Variants in MSH6 observed in about 807,000 individuals in gnomAD.
MSH6 encodes DNA mismatch repair protein Msh6.
In MSH6, 85 loss-of-function variants were observed where a neutral mutation model predicts 119.1. That is an observed-to-expected ratio of 0.71 (90% CI 0.60 to 0.85). MSH6 has a LOEUF of 0.85. Among genes scored for constraint, MSH6 ranks in the 40% least tolerant of loss-of-function variants. The pLI is 0.00. For missense variants in MSH6, 2,163 were observed against 1,655.3 expected, an observed-to-expected ratio of 1.31 and a Z score of -5.32; for synonymous variants, 830 against 586.9, an observed-to-expected ratio of 1.41 and a Z score of -5.99.
chr2:47,806,957 T>TTTTTCCA (rs1427374049), downstream of MSH6: 1 of 952,050 alleles, frequency 1.1e-6, no homozygotes, highest in Non-Finnish European at 1.7e-6. Context: ...AAAATGACCA[T>TTTTTCCA]TTTTCCATTT....
chr2:47,803,903 G>T, intron 5 of MSH6, among the ~76,000 whole-genome samples: 1 of 152,196 alleles, frequency 6.6e-6, no homozygotes, highest in East Asian at 1.9e-4. Flanking sequence ...AAAGGGGAAG[G>T]AGGTCAGTCA....
intron 2 of MSH6, among the ~76,000 whole-genome samples, chr2:47,794,402 G>A (rs1042188432): frequency 6.6e-6 from 1 of 151,908 alleles, no homozygotes; most frequent in Non-Finnish European, 1.5e-5. Context: ...CTCCTTAGTA[G>A]CTGAGACTAC....
rs876659020 is a variant in MSH6, at chr2:47,783,368, C to A, written c.135C>A (p.Gly45=). The stretch of plus-strand genomic sequence containing the variant: ...CCCCCGGGGCCTCTCCTTCCCCAGG[C>A]GGGGATGCGGCCTGGAGCGAGGCTG... ...AAAPGASPSP[G]GDAAWSEAGP... is the part of the protein sequence containing the mutation. Residue 45 remains glycine (G), a synonymous_variant, in exon 1 of 10, where the codon GGC becomes GGA. Coordinates refer to ENST00000234420, the MANE Select transcript of MSH6 (RefSeq NM_000179.3). 3 of 1,602,032 alleles carry A rather than the reference C, an allele frequency of 1.9e-6. No individual in the cohort carries two copies. Among genetic ancestry groups the A allele is most frequent in the South Asian group, 2.2e-5 (2 of 89,876 alleles).
At chr2:47,790,833 G>A in intron 1 of MSH6, 94 bp from the exon 2 acceptor site, 1 of 1,120,698 alleles carries the variant, frequency 8.9e-7, no homozygotes, top group Admixed American at 1.8e-5. Context: ...CAATATTAAT[G>A]CCAGAAGACT....
rs753812859 is a variant in MSH6 at position 47,799,988 on chromosome 2, A to T, written c.2005A>T (p.Ile669Phe). The T allele has an allele frequency of 6.2e-7, 1 of 1,614,082 alleles. No individual in the cohort carries two copies. ...AGGTATGACTTCAGAGTCTGATTCC[A>T]TTGGGTTGACACCAGGAGAGAAAAG... is the stretch of plus-strand genomic sequence containing the variant. ...LKGMTSESDS[I>F]GLTPGEKSEL... Residue 669 changes from isoleucine (I) to phenylalanine (F), a missense_variant, in exon 4 of 10, where the codon ATT becomes TTT. By Grantham distance (21) the Ile-to-Phe change is conservative. Coordinates refer to ENST00000234420, the MANE Select transcript of MSH6 (RefSeq NM_000179.3).
chr2:47,786,495 C>G (rs1458009859), intron 1 of MSH6, among the ~76,000 whole-genome samples: 1 of 135,440 alleles, frequency 7.4e-6, no homozygotes, highest in Non-Finnish European at 1.6e-5. Context: ...CCACCACGCC[C>G]AGCTAATTTT....
chr2:47,801,731 T>C (rs1669610595), intron 4 of MSH6, among the ~76,000 whole-genome samples: 1 of 152,150 alleles, frequency 6.6e-6, no homozygotes, highest in South Asian at 2.1e-4. Flanking sequence ...CTTGCTCTGT[T>C]ACCCAGGACA....
intron 1 of MSH6, among the ~76,000 whole-genome samples, chr2:47,788,899 TC>T (rs1668521612): frequency 2.3e-5 from 2 of 87,486 alleles, no homozygotes; most frequent in Non-Finnish European, 4.9e-5. Flanking sequence ...TTTCTTTCTT[TC>T]TTCTTCCTTT....
chr2:47,807,493 G>GTTTT, downstream of MSH6: 1 of 207,480 alleles, frequency 4.8e-6, no homozygotes, highest in East Asian at 7.4e-5. Flanking sequence ...TAAGATTAGT[G>GTTTT]TTTTCTCTTT....
At chr2:47,801,361 GTTTTTTTTTT>G (rs10666222) in intron 4 of MSH6, 49 of 89,998 alleles carry the variant, frequency 5.4e-4, no homozygotes, top group Middle Eastern at 6.0e-3. Flanking sequence ...CCTTTCTTCA[GTTTTTTTTTT>G]TTTTTTTTTT....
At chr2:47,788,314 G>C (rs1668470040) in intron 1 of MSH6, among the ~76,000 whole-genome samples, 1 of 137,614 alleles carries the variant, frequency 7.3e-6, no homozygotes, top group Admixed American at 7.7e-5. Flanking sequence ...GAGTGCAGTG[G>C]CACGATCTCG....
chr2:47,806,140 T>C (rs2104534202), intron 7 of MSH6, 64 bp from the exon 8 acceptor site: 2 of 1,240,804 alleles, frequency 1.6e-6, no homozygotes, highest in South Asian at 2.5e-5. Context: ...AGCATTTTTG[T>C]TTTAATTCCT....
downstream of MSH6, chr2:47,807,667 TAA>T (rs11314400): frequency 6.5e-3 from 1,347 of 205,968 alleles, 3 homozygotes; most frequent in East Asian, 0.022. Context: ...GAATACATGT[TAA>T]AAAAAAAAAA....
chr2:47,806,716 G>A (rs2104572414), intron 9 of MSH6, 63 bp from the exon 10 acceptor site: 2 of 1,576,514 alleles, frequency 1.3e-6, no homozygotes, highest in Non-Finnish European at 8.7e-7. Context: ...ACAGTAAAAG[G>A]GGAAGGGATG....
At position 47,800,758 on chromosome 2, in the gene MSH6, A is replaced by C. The variant is rs587779248; in HGVS notation, c.2775A>C (p.Gly925=). The C allele has an allele frequency of 3.7e-6, 6 of 1,614,126 alleles. No individual in the cohort carries two copies. The highest frequency in any genetic ancestry group is 5.1e-6 in the Non-Finnish European group (6 of 1,180,026). ...AFDHEKARKT[G]LITPKAGFDS... ...ACCATGAAAAGGCTCGAAAGACTGG[A>C]CTTATTACTCCCAAAGCAGGCTTTG... Residue 925 remains glycine (G), a synonymous_variant, in exon 4 of 10, where the codon GGA becomes GGC. Coordinates refer to ENST00000234420, the MANE Select transcript of MSH6 (RefSeq NM_000179.3).
chr2:47,803,382 A>G (rs368942596), intron 4 of MSH6, 38 bp from the exon 5 acceptor site: 2 of 1,614,008 alleles, frequency 1.2e-6, no homozygotes, highest in African/African-American at 2.7e-5. Context: ...TAAAACCCCC[A>G]AACGATGAAG....
At position 47,799,699 on chromosome 2, in the gene MSH6, G is replaced by T. The variant is rs745772518; in HGVS notation, c.1716G>T (p.Gln572His). The T allele has an allele frequency of 1.9e-6, 3 of 1,614,184 alleles. No individual in the cohort carries two copies. In the East Asian group the frequency reaches 6.7e-5, roughly 36 times the overall value. ...CACTGGGAAAGTTTTTCATAGGTCAGTTTTCAGATGATCGCCATTGTTCGA... is the reference window on the plus strand; with the variant it reads ...CACTGGGAAAGTTTTTCATAGGTCATTTTTCAGATGATCGCCATTGTTCGA... ...DTSLGKFFIG[Q>H]FSDDRHCSRF... Residue 572 changes from glutamine to histidine, a missense_variant, in exon 4 of 10, where the codon CAG becomes CAT. Physicochemically the swap from Gln to His is conservative, Grantham distance 24. Coordinates refer to ENST00000234420, the MANE Select transcript of MSH6 (RefSeq NM_000179.3).
rs876660234 is a variant in MSH6, at chr2:47,800,223, T to G, written c.2240T>G (p.Leu747Arg). The stretch of plus-strand genomic sequence containing the variant: ...ACATTAAACAACTTGGAGATTTTTC[T>G]GAATGGAACAAATGGTTCTACTGAA... ...AVTLNNLEIFLNGTNGSTEGT... is the reference protein window; with the variant it reads ...AVTLNNLEIFRNGTNGSTEGT... Residue 747 changes from leucine to arginine, a missense_variant, in exon 4 of 10, where the codon CTG becomes CGG. Leu to Arg is a moderately radical substitution (Grantham distance 102, BLOSUM62 -2). Coordinates refer to ENST00000234420, the MANE Select transcript of MSH6 (RefSeq NM_000179.3). 6.2e-7 allele frequency: 1 copy of G among 1,614,200 alleles called. No homozygotes were observed. Among genetic ancestry groups the G allele is most frequent in the East Asian group, 2.2e-5 (1 of 44,888 alleles).
intron 2 of MSH6, among the ~76,000 whole-genome samples, chr2:47,793,633 AAAAT>A (rs1034978813): frequency 2.8e-4 from 42 of 151,194 alleles, no homozygotes; most frequent in Admixed American, 6.6e-5. Context: ...ATAAATAAAT[AAAAT>A]AAAATAATAA....
Sources: gnomAD v4.1 joint callset for allele counts (sites outside exome capture counted in the v4.1 genomes callset) on GRCh38, gnomAD v4.1.1 for gene constraint, MANE v1.5 for transcripts, NCBI Gene and HGNC (gene_info 2026-07-23, HGNC 2026-07-21) for gene names.